The following FSIP1 variants were observed in gnomAD, a reference collection of about 807,000 sequenced individuals.
FSIP1 encodes fibrous sheath-interacting protein 1.
A neutral mutation model predicts 60.9 loss-of-function variants in FSIP1; 65 were observed. That is an observed-to-expected ratio of 1.07 (90% confidence interval 0.87 to 1.31). FSIP1 has a LOEUF of 1.31. FSIP1 is among the 40% of genes most tolerant of loss of function. The pLI, the probability that FSIP1 is intolerant of heterozygous loss-of-function variation, is 0.00. For synonymous variants in FSIP1, 209 were observed against 221.2 expected (o/e 0.94, Z 0.49); for missense variants, 675 against 665.5 (o/e 1.01, Z -0.16).
At chr15:39,777,351 A>C (rs1399414380) in intron 1 of FSIP1, among the ~76,000 whole-genome samples, 1 of 152,036 alleles carries the variant, frequency 6.6e-6, no homozygotes, top group Non-Finnish European at 1.5e-5. Flanking sequence ...TCATTTTATC[A>C]ACCCTCCCCT....
At chr15:39,673,444 G>T (rs748986563) in intron 10 of FSIP1, among the ~76,000 whole-genome samples, 7 of 151,940 alleles carry the variant, frequency 4.6e-5, no homozygotes, top group Non-Finnish European at 8.8e-5. Flanking sequence ...CTCCCAAGTA[G>T]CTGGGACCAC....
chr15:39,721,679 C>G (rs577366673), intron 9 of FSIP1, among the ~76,000 whole-genome samples: 2 of 152,276 alleles, frequency 1.3e-5, no homozygotes, highest in East Asian at 3.9e-4. Context: ...TGAAGTGGGC[C>G]TTAGGGCCTG....
At chr15:39,738,970 A>G (rs1355169612) in intron 7 of FSIP1, among the ~76,000 whole-genome samples, 1 of 152,240 alleles carries the variant, frequency 6.6e-6, no homozygotes, top group Non-Finnish European at 1.5e-5. Context: ...ACACTCGCCC[A>G]TGCAGTTTTC....
chr15:39,668,266 T>C (rs1008703145), intron 10 of FSIP1, among the ~76,000 whole-genome samples: 4 of 145,762 alleles, frequency 2.7e-5, no homozygotes, highest in African/African-American at 1.1e-4. Context: ...ATTCAGTTAA[T>C]CTTCTTCATT....
intron 10 of FSIP1, among the ~76,000 whole-genome samples, chr15:39,633,054 T>G (rs1356010974): frequency 6.6e-6 from 1 of 151,690 alleles, no homozygotes; most frequent in Admixed American, 6.6e-5. Flanking sequence ...AATTATCATT[T>G]TTAATGTCCA....
chr15:39,698,070 A>G (rs1894892452), intron 10 of FSIP1, among the ~76,000 whole-genome samples: 1 of 151,734 alleles, frequency 6.6e-6, no homozygotes, highest in Non-Finnish European at 1.5e-5. Flanking sequence ...TGCCCTGTCA[A>G]TAGTCACTAG....
In FSIP1 at chr15:39,657,366, C is replaced by T. The variant is rs566012323; in HGVS notation, c.1189-39121G>A. On this transcript the variant is annotated intron_variant, in intron 10 of 11. Coordinates refer to ENST00000350221, the MANE Select transcript of FSIP1 (RefSeq NM_152597.5). ...GATTACACAATTTACAAACTGACTT[C>T]ACACACATCATATTTGATCCACATG... Among the ~76,000 whole-genome samples, 19 of 152,286 alleles carry T rather than the reference C, an allele frequency of 1.2e-4. No individual in the cohort carries two copies. In the South Asian group the frequency reaches 2.7e-3, roughly 22 times the overall value.
chr15:39,709,248 A>C (rs1895398679), intron 10 of FSIP1, among the ~76,000 whole-genome samples: 1 of 152,186 alleles, frequency 6.6e-6, no homozygotes, highest in South Asian at 2.1e-4. Flanking sequence ...GTGGCCACAG[A>C]TTACCTCTTC....
intron 10 of FSIP1, among the ~76,000 whole-genome samples, chr15:39,689,761 A>G (rs1476889092): frequency 6.6e-6 from 1 of 152,268 alleles, no homozygotes; most frequent in African/African-American, 2.4e-5. Context: ...TAGTAAGATT[A>G]GTTATCTAAA....
intron 9 of FSIP1, among the ~76,000 whole-genome samples, chr15:39,718,322 A>G (rs1595656891): frequency 6.6e-6 from 1 of 151,960 alleles, no homozygotes; most frequent in Non-Finnish European, 1.5e-5. Flanking sequence ...GTACATATAT[A>G]TGTGTGTATA....
At position 39,739,775 on chromosome 15, in the gene FSIP1, C is replaced by T. The variant is rs377291889; in HGVS notation, c.670G>A (p.Val224Met). ...TTGATCAATGACTCATTTCTTTCCA[C>T]ATCACAGGTAAAATCTAATATTAAA... is the stretch of plus-strand genomic sequence containing the variant. ...QKLNKDFTCD[V>M]ERNESLIKSG... The change falls in exon 7 of 12, where the codon GTG (valine) becomes ATG (methionine). Residue 224 changes from valine (V) to methionine (M), a missense_variant. Coordinates refer to ENST00000350221, the MANE Select transcript of FSIP1 (RefSeq NM_152597.5). 6.4e-7 allele frequency: 1 copy of T among 1,563,322 alleles called. No individual in the cohort carries two copies. The highest frequency in any genetic ancestry group is 1.2e-5 in the South Asian group (1 of 82,196).
rs1896333046 is a variant in FSIP1, at chr15:39,729,734, G to A, written c.892-2987C>T. 2.0e-5 allele frequency among the ~76,000 whole-genome samples: 3 copies of A among 152,194 alleles called. No homozygotes were observed. The South Asian group carries it at 6.2e-4, about 32-fold the overall frequency. On this transcript the variant is annotated intron_variant, in intron 8 of 11. Coordinates refer to ENST00000350221, the MANE Select transcript of FSIP1 (RefSeq NM_152597.5). ...AAAAAAGAATGAGATCACATCCTTT[G>A]CAGCAACATGGATGCAACTGAAGGC...
At chr15:39,678,618 G>A (rs1413532417) in intron 10 of FSIP1, among the ~76,000 whole-genome samples, 1 of 152,116 alleles carries the variant, frequency 6.6e-6, no homozygotes, top group Non-Finnish European at 1.5e-5. Flanking sequence ...AAATACAGTT[G>A]TTTCCAAATT....
intron 10 of FSIP1, among the ~76,000 whole-genome samples, chr15:39,705,814 A>T (rs1293162707): frequency 6.6e-6 from 1 of 152,112 alleles, no homozygotes; most frequent in African/African-American, 2.4e-5. Context: ...CCTGGCCAAC[A>T]TGGCAAAACC....
intron 10 of FSIP1, among the ~76,000 whole-genome samples, chr15:39,675,758 T>C (rs1893911682): frequency 6.6e-6 from 1 of 152,180 alleles, no homozygotes; most frequent in African/African-American, 2.4e-5. Flanking sequence ...TCATATGCAG[T>C]CTCCTTCACT....
intron 5 of FSIP1, among the ~76,000 whole-genome samples, chr15:39,743,934 C>A (rs1896892278): frequency 6.6e-6 from 1 of 152,096 alleles, no homozygotes; most frequent in African/African-American, 2.4e-5. Context: ...TCATAAAACA[C>A]CAAGACTAAA....
chr15:39,611,754 C>G (rs1891043562), intron 11 of FSIP1, among the ~76,000 whole-genome samples: 1 of 152,152 alleles, frequency 6.6e-6, no homozygotes, highest in Admixed American at 6.5e-5. Context: ...AAAAGGCCAA[C>G]TATATGCTAC....
intron 5 of FSIP1, 30 bp from the exon 6 acceptor site, chr15:39,741,930 G>A: frequency 8.5e-7 from 1 of 1,174,730 alleles, no homozygotes. Context: ...CTTGTTCAAT[G>A]CTCACAAAAT....
chr15:39,775,468 A>C (rs1898022514), intron 2 of FSIP1, among the ~76,000 whole-genome samples: 2 of 151,366 alleles, frequency 1.3e-5, no homozygotes, highest in East Asian at 1.9e-4. Context: ...AAAAAAATCA[A>C]GTCTAGAAGT....
Sources: allele counts gnomAD v4.1 joint callset (sites outside exome capture counted in the v4.1 genomes callset), GRCh38; gene constraint gnomAD v4.1.1; transcripts MANE v1.5; gene names NCBI Gene and HGNC (gene_info 2026-07-23, HGNC 2026-07-21).